Variants in RGS22 observed in about 807,000 individuals in gnomAD.
The protein encoded by RGS22 is regulator of G-protein signaling 22.
A neutral mutation model predicts 172.9 loss-of-function variants in RGS22; 148 were observed. The ratio of observed to expected loss-of-function variants is 0.86; its 90% confidence interval spans 0.75 to 0.98. The LOEUF is 0.98. Ranked by LOEUF, RGS22 falls within the 50% of genes least tolerant of loss-of-function variation. The probability of loss-of-function intolerance (pLI) is 0.00; values close to 1 mark genes in which losing one functional copy is unlikely to be tolerated. For missense variants in RGS22, 1,347 were observed against 1,440.8 expected (o/e 0.93, Z 1.05); for synonymous variants, 458 against 480.2 (o/e 0.95, Z 0.60).
At chr8:100,013,048 G>T (rs1300443494) in intron 14 of RGS22, among the ~76,000 whole-genome samples, 5 of 146,808 alleles carry the variant, frequency 3.4e-5, no homozygotes, top group African/African-American at 1.3e-4. Flanking sequence ...GGAGTGCAGT[G>T]GCGTAATCTC....
At chr8:100,067,190 A>G (rs1810593530) in intron 6 of RGS22, among the ~76,000 whole-genome samples, 1 of 152,200 alleles carries the variant, frequency 6.6e-6, no homozygotes. Context: ...CAAATGGAAG[A>G]AAAATTACTC....
At chr8:100,057,529 A>G (rs1057436417) in intron 9 of RGS22, among the ~76,000 whole-genome samples, 1 of 152,086 alleles carries the variant, frequency 6.6e-6, no homozygotes, top group Admixed American at 6.5e-5. Context: ...AGGTAATGGA[A>G]TCGTGTGGGT....
intron 22 of RGS22, among the ~76,000 whole-genome samples, chr8:99,981,399 C>T (rs960155438): frequency 3.3e-5 from 5 of 152,088 alleles, no homozygotes; most frequent in Non-Finnish European, 7.4e-5. Flanking sequence ...ATATTTTACA[C>T]ATTTTTGTGG....
At chr8:100,040,962 A>C (rs1448401823) in intron 12 of RGS22, among the ~76,000 whole-genome samples, 1 of 152,248 alleles carries the variant, frequency 6.6e-6, no homozygotes, top group Non-Finnish European at 1.5e-5. Context: ...AAACTAAAAA[A>C]AAAATCATTA....
chr8:100,005,890 G>C (rs1249863817), intron 16 of RGS22, 127 bp downstream of exon 16: 2 of 597,518 alleles, frequency 3.3e-6, no homozygotes, highest in East Asian at 5.8e-5. Context: ...GCTAGGCAAA[G>C]GAACAGCAGA....
intron 27 of RGS22, among the ~76,000 whole-genome samples, chr8:99,961,453 T>A (rs1810181162): frequency 6.6e-6 from 1 of 152,030 alleles, no homozygotes; most frequent in Non-Finnish European, 1.5e-5. Flanking sequence ...GATCTGATGG[T>A]TTTATAAGGG....
At chr8:99,964,045 A>G (rs1344200475) in intron 24 of RGS22, among the ~76,000 whole-genome samples, 1 of 151,528 alleles carries the variant, frequency 6.6e-6, no homozygotes, top group East Asian at 1.9e-4. Flanking sequence ...CATCGTCATC[A>G]CCACCATCAT....
chr8:99,982,163 G>A (rs1812622672), intron 21 of RGS22, 47 bp from the exon 22 acceptor site: 1 of 1,381,992 alleles, frequency 7.2e-7, no homozygotes, highest in African/African-American at 1.5e-5. Flanking sequence ...TGCATTACCA[G>A]AACACTTAAT....
chr8:100,080,690 G>T, intron 3 of RGS22: 1 of 198,362 alleles, frequency 5.0e-6, no homozygotes, highest in Non-Finnish European at 1.0e-5. Flanking sequence ...TCTTAGAAGG[G>T]GGTGGATCAC....
intron 21 of RGS22, among the ~76,000 whole-genome samples, chr8:99,987,194 A>G (rs1041605031): frequency 1.3e-5 from 2 of 152,148 alleles, no homozygotes; most frequent in African/African-American, 2.4e-5. Context: ...CAGATTTTGG[A>G]GCATTTCAGG....
At position 100,019,888 on chromosome 8, in the gene RGS22, C is replaced by CT. The variant is rs761435532; in HGVS notation, c.2167-11320dup. 7.4e-3 allele frequency among the ~76,000 whole-genome samples: 1,051 copies of CT among 142,292 alleles called. 14 individuals carry two copies. The highest frequency in any genetic ancestry group is 0.022 in the African/African-American group (851 of 38,988). The allele number at this position is 142,292 out of a possible 152,430, so 93.3% of individuals were successfully genotyped here. On this transcript the variant is annotated intron_variant, in intron 14 of 27. Coordinates refer to ENST00000360863, the MANE Select transcript of RGS22 (RefSeq NM_015668.5). ...ACCATCTGCTGTTGCAAAAAAAGTA[C>CT]TTTTTTTTTTTTTTAGATGGAGTTT...
chr8:100,001,260 TCTCA>T (rs1311046476), intron 18 of RGS22, among the ~76,000 whole-genome samples: 10 of 141,340 alleles, frequency 7.1e-5, no homozygotes, highest in African/African-American at 2.6e-4. Context: ...TGAGACACAG[TCTCA>T]CTCACTCTGT....
rs1450152664 is a variant in RGS22 at position 100,051,582 on chromosome 8, TATAC to T, written c.1689+1216_1689+1219del. On this transcript the variant is annotated intron_variant, in intron 10 of 27. Coordinates refer to ENST00000360863, the MANE Select transcript of RGS22 (RefSeq NM_015668.5). ...ATATAAATATATATTTATATATGTT[TATAC>T]ATATATAAATATATATTTATATATG... is the stretch of plus-strand genomic sequence containing the variant. Among the ~76,000 whole-genome samples, 10 of 77,976 alleles carry T rather than the reference TATAC, an allele frequency of 1.3e-4. 3 individuals are homozygous for T. Among genetic ancestry groups the T allele is most frequent in the African/African-American group, 6.1e-4 (10 of 16,308 alleles). 51.2% of individuals were successfully genotyped at this position (77,976 alleles called of 152,430 possible). A position where few individuals can be genotyped will look rare whatever the true frequency, so the allele number is the denominator to read the frequency against.
chr8:100,005,671 T>C (rs936225259), intron 16 of RGS22, among the ~76,000 whole-genome samples: 8 of 152,212 alleles, frequency 5.3e-5, no homozygotes, highest in African/African-American at 1.9e-4. Flanking sequence ...AACTGTTTTG[T>C]AACCTGACAA....
At position 100,011,149 on chromosome 8, in the gene RGS22, G is replaced by A. The variant is rs564714301; in HGVS notation, c.2167-2580C>T. Among the ~76,000 whole-genome samples, 12 of 152,196 alleles carry A rather than the reference G, an allele frequency of 7.9e-5. 1 individual carries two copies. The South Asian group carries it at 1.9e-3, about 24-fold the overall frequency. ...TAAAGGAAAGAGGTGAATAAGAGAAGATACTTTAAAGGGAGGCAGAGACCA... is the reference window on the plus strand; with the variant it reads ...TAAAGGAAAGAGGTGAATAAGAGAAAATACTTTAAAGGGAGGCAGAGACCA... On this transcript the variant is annotated intron_variant, in intron 14 of 27. Transcript: ENST00000360863.
intron 12 of RGS22, among the ~76,000 whole-genome samples, chr8:100,040,656 C>G (rs567648622): frequency 2.1e-4 from 32 of 152,192 alleles, no homozygotes; most frequent in Admixed American, 4.6e-4. Context: ...TGCTGGCAAT[C>G]CTCATACAAT....
intron 14 of RGS22, among the ~76,000 whole-genome samples, chr8:100,017,777 T>C (rs1031212208): frequency 1.3e-5 from 2 of 152,240 alleles, no homozygotes; most frequent in Non-Finnish European, 2.9e-5. Flanking sequence ...TAATATAGTC[T>C]GATTATGGGT....
intron 2 of RGS22, among the ~76,000 whole-genome samples, chr8:100,093,967 T>C (rs1812778728): frequency 6.6e-6 from 1 of 152,062 alleles, no homozygotes; most frequent in African/African-American, 2.4e-5. Flanking sequence ...CCAATGAAAA[T>C]GATAAAGGAA....
chr8:100,076,597 T>C (rs181812532), intron 4 of RGS22, among the ~76,000 whole-genome samples: 206 of 152,368 alleles, frequency 1.4e-3, no homozygotes, highest in African/African-American at 4.6e-3. Context: ...GAGTTGTCTT[T>C]GTGGCACGAT....
Sources: allele counts gnomAD v4.1 joint callset (sites outside exome capture counted in the v4.1 genomes callset), GRCh38; gene constraint gnomAD v4.1.1; transcripts MANE v1.5; gene names NCBI Gene and HGNC (gene_info 2026-07-23, HGNC 2026-07-21).